Variants in TDRD9 observed in about 807,000 individuals in gnomAD.
TDRD9 encodes tudor domain containing 9.
TDRD9 carries 124 observed loss-of-function variants against 172.6 expected under a neutral mutation model. That is an observed-to-expected ratio of 0.72 (90% CI 0.62 to 0.83). The LOEUF (loss-of-function observed/expected upper bound fraction) is 0.83. Among genes scored for constraint, TDRD9 ranks in the 40% least tolerant of loss-of-function variants. TDRD9 has a pLI of 0.00. For synonymous variants in TDRD9, 619 were observed against 617.1 expected (o/e 1.00, Z -0.05); for missense variants, 1,479 against 1,714.1 (o/e 0.86, Z 2.42).
intron 34 of TDRD9, among the ~76,000 whole-genome samples, chr14:104,043,554 A>T (rs2035672418): frequency 6.6e-6 from 1 of 151,968 alleles, no homozygotes; most frequent in Admixed American, 6.5e-5. Flanking sequence ...TTTTTATGTA[A>T]AATGTGGGTT....
chr14:104,044,924 C>G (rs2035721032), intron 34 of TDRD9, among the ~76,000 whole-genome samples: 1 of 152,186 alleles, frequency 6.6e-6, no homozygotes, highest in South Asian at 2.1e-4. Flanking sequence ...GGGCAGATCA[C>G]CTGAGGTCAG....
chr14:103,940,796 TGTAA>T (rs3830949), intron 1 of TDRD9: 40,252 of 1,526,316 alleles, frequency 0.026, 688 homozygotes, highest in East Asian at 0.063. Flanking sequence ...CCCCTCTAGT[TGTAA>T]GTAACTTAAC....
At chr14:103,988,785 T>C (rs910599315) in intron 8 of TDRD9, among the ~76,000 whole-genome samples, 5 of 151,830 alleles carry the variant, frequency 3.3e-5, no homozygotes, top group African/African-American at 1.2e-4. Flanking sequence ...CTCGACCTCA[T>C]TGGCTCAATT....
In TDRD9 at chr14:103,983,309, C is replaced by T. The variant is rs118014996; in HGVS notation, c.1012-2908C>T. Reference sequence around the variant, plus strand: ...AACTCCTGACCTCAAATGATCCACCCGGCTCGACCTCCCAAAGTGCTAGGA... The same window carrying T: ...AACTCCTGACCTCAAATGATCCACCTGGCTCGACCTCCCAAAGTGCTAGGA... On this transcript the variant is annotated intron_variant, in intron 7 of 35. Coordinates refer to ENST00000409874, the MANE Select transcript of TDRD9 (RefSeq NM_153046.3). Among the ~76,000 whole-genome samples the T allele has an allele frequency of 8.1e-3, 1,232 of 152,026 alleles. 5 individuals are homozygous for T. The highest frequency in any genetic ancestry group is 0.011 in the Non-Finnish European group (776 of 67,978).
At chr14:104,004,464 T>C (rs2152216058) in intron 14 of TDRD9, 129 bp downstream of exon 14, 1 of 506,298 alleles carries the variant, frequency 2.0e-6, no homozygotes, top group Non-Finnish European at 3.6e-6. Flanking sequence ...CACTGCAATC[T>C]GCCTCCCGGG....
rs906714185 is a variant in TDRD9, at chr14:104,007,091, G to T, written c.2008-69G>T. 17 of 1,437,214 alleles carry T rather than the reference G, an allele frequency of 1.2e-5. No homozygotes were observed. In the African/African-American group the frequency reaches 1.9e-4, roughly 16 times the overall value. The allele number at this position is 1,437,214 out of a possible 1,614,324, so 89.0% of individuals were successfully genotyped here. Reference sequence around the variant, plus strand: ...TATGTTGTAAATTTTCAGGTTTGTTGAAATTGTACTTAAAAAAAATTCAGT... The same window carrying T: ...TATGTTGTAAATTTTCAGGTTTGTTTAAATTGTACTTAAAAAAAATTCAGT... On this transcript the variant is annotated intron_variant, in intron 18 of 35. Coordinates refer to ENST00000409874, the MANE Select transcript of TDRD9 (RefSeq NM_153046.3).
chr14:103,972,480 T>C (rs2033076809), intron 6 of TDRD9, among the ~76,000 whole-genome samples: 1 of 152,200 alleles, frequency 6.6e-6, no homozygotes, highest in Non-Finnish European at 1.5e-5. Flanking sequence ...TACTTCTTAT[T>C]TGAACAAAAA....
chr14:104,028,933 G>T (rs2035202396), intron 28 of TDRD9, among the ~76,000 whole-genome samples: 1 of 152,192 alleles, frequency 6.6e-6, no homozygotes, highest in African/African-American at 2.4e-5. Context: ...CTATTGAAGA[G>T]ACTCTCCTTT....
chr14:103,969,031 C>T (rs1317170613), intron 5 of TDRD9, among the ~76,000 whole-genome samples: 2 of 147,816 alleles, frequency 1.4e-5, no homozygotes, highest in African/African-American at 2.5e-5. Context: ...ACCCGGGAGG[C>T]GGAGCTTGCA....
chr14:103,928,777 C>T, intron 1 of TDRD9, 53 bp downstream of exon 1: 3 of 636,736 alleles, frequency 4.7e-6, no homozygotes, highest in Non-Finnish European at 6.4e-6. Context: ...CGAGGCCTGG[C>T]GACGAGGGCA....
At chr14:103,951,884 A>C (rs1002212548) in intron 1 of TDRD9, among the ~76,000 whole-genome samples, 30 of 150,198 alleles carry the variant, frequency 2.0e-4, no homozygotes, top group Admixed American at 9.4e-4. Flanking sequence ...CTCCTGCCTC[A>C]GCCTCCGGAG....
intron 9 of TDRD9, among the ~76,000 whole-genome samples, chr14:103,993,561 C>T (rs564562373): frequency 3.3e-5 from 5 of 152,282 alleles, no homozygotes; most frequent in Non-Finnish European, 7.4e-5. Context: ...GTCAGCAGGG[C>T]CATGCTCTTT....
intron 9 of TDRD9, 62 bp downstream of exon 9, chr14:103,991,286 GC>G (rs1555369553): frequency 5.8e-6 from 9 of 1,541,722 alleles, no homozygotes; most frequent in Non-Finnish European, 8.0e-6. Context: ...CTAAGTTTGT[GC>G]CTAACACAGA....
At chr14:103,949,767 C>CCTCCCAGGTT (rs1432531026) in intron 1 of TDRD9, among the ~76,000 whole-genome samples, 2 of 152,284 alleles carry the variant, frequency 1.3e-5, no homozygotes, top group South Asian at 4.1e-4. Flanking sequence ...GCAACATCCG[C>CCTCCCAGGTT]CTCCCAGGTT....
intron 1 of TDRD9, among the ~76,000 whole-genome samples, chr14:103,939,087 C>G (rs2031003653): frequency 6.6e-6 from 1 of 152,036 alleles, no homozygotes; most frequent in African/African-American, 2.4e-5. Context: ...GCTTCAGTCA[C>G]CAGAAGCTTT....
chr14:104,025,796 GT>G lies in TDRD9; in HGVS notation c.2931+21del. 6.4e-7 allele frequency: 1 copy of G among 1,568,318 alleles called. No homozygotes were observed. The highest frequency in any genetic ancestry group is 8.8e-7 in the Non-Finnish European group (1 of 1,139,062). On this transcript the variant is annotated intron_variant, in intron 26 of 35. Coordinates refer to ENST00000409874, the MANE Select transcript of TDRD9 (RefSeq NM_153046.3). ...GCTGAGGTAGGTTTTTCTGTAACAAGTCACTGGAAGGGAAATGAGACAGACA... is the reference window on the plus strand; with the variant it reads ...GCTGAGGTAGGTTTTTCTGTAACAAGCACTGGAAGGGAAATGAGACAGACA...
rs1469964009 is a variant in TDRD9 at position 103,980,714 on chromosome 14, C to T, written c.1011+5161C>T. 1.3e-5 allele frequency among the ~76,000 whole-genome samples: 2 copies of T among 152,062 alleles called. No individual in the cohort carries two copies. The highest frequency in any genetic ancestry group is 1.9e-4 in the East Asian group (1 of 5,166). The stretch of plus-strand genomic sequence containing the variant: ...CTCCCTTTCCCGGTCTGCTGAGTAG[C>T]GGGTGTTTTTCCTTGACACTGACGC... On this transcript the variant is annotated intron_variant, in intron 7 of 35. Transcript: ENST00000409874. This position sits in a 1 kb window ranked among gnomAD's most constrained non-coding sequence, Gnocchi z 4.5.
At chr14:103,986,957 A>G (rs1450296729) in intron 8 of TDRD9, among the ~76,000 whole-genome samples, 1 of 152,170 alleles carries the variant, frequency 6.6e-6, no homozygotes, top group African/African-American at 2.4e-5. Flanking sequence ...CTACTAAAAT[A>G]CAAAAAATTA....
At chr14:104,010,121 A>G (rs1595982472) in intron 20 of TDRD9, among the ~76,000 whole-genome samples, 1 of 151,454 alleles carries the variant, frequency 6.6e-6, no homozygotes, top group Admixed American at 6.6e-5. Flanking sequence ...ACTTTTTTGT[A>G]TTTTTAGTAG....
Sources: gnomAD v4.1 joint callset for allele counts (sites outside exome capture counted in the v4.1 genomes callset) on GRCh38, gnomAD v4.1.1 for gene constraint, Gnocchi (gnomAD v3.1) non-coding constraint, MANE v1.5 for transcripts, NCBI Gene and HGNC (gene_info 2026-07-23, HGNC 2026-07-21) for gene names.